Variants in PRKN observed in about 807,000 individuals in gnomAD.
PRKN encodes the protein parkin RBR E3 ubiquitin protein ligase.
In PRKN, 56 loss-of-function variants were observed where a neutral mutation model predicts 59.5. The observed-to-expected ratio is 0.94, with a 90% CI of 0.76 to 1.18. The LOEUF is 1.18. Among genes scored for constraint, PRKN ranks in the 50% most tolerant of loss-of-function variants. The pLI, the probability that PRKN is intolerant of heterozygous loss-of-function variation, is 0.00. For missense variants in PRKN, 657 were observed against 596.4 expected (o/e 1.10, Z -1.06); for synonymous variants, 250 against 222.1 (o/e 1.13, Z -1.12).
chr6:162,081,903 C>A (rs960442619), intron 4 of PRKN, among the ~76,000 whole-genome samples: 2 of 152,148 alleles, frequency 1.3e-5, no homozygotes, highest in African/African-American at 4.8e-5. Context: ...GAGGCAGCTT[C>A]TCCATCAGCA....
rs1342215733 is a variant in PRKN, at chr6:161,891,822, T to G, written c.734+81480A>C. Among the ~76,000 whole-genome samples the G allele has an allele frequency of 2.0e-5, 3 of 152,208 alleles. No homozygotes were observed. In the South Asian group the frequency reaches 6.2e-4, roughly 31 times the overall value. ...ATTATAGCTCTTGGGATAGAGGAGC[T>G]GCTGTCTCAAGAAAAGCAAATATGT... On this transcript the variant is annotated intron_variant, in intron 6 of 11. Transcript: ENST00000366898.
intron 6 of PRKN, among the ~76,000 whole-genome samples, chr6:161,804,222 C>A (rs1353196683): frequency 6.6e-6 from 1 of 152,220 alleles, no homozygotes. Context: ...TGAATGCAGG[C>A]TCGACACCCA....
intron 6 of PRKN, among the ~76,000 whole-genome samples, chr6:161,873,710 G>A (rs1794440600): frequency 6.6e-6 from 1 of 151,294 alleles, no homozygotes; most frequent in Non-Finnish European, 1.5e-5. Flanking sequence ...TTTGACTCTC[G>A]TCAAAAAAAA....
At chr6:162,391,858 G>A (rs1488288284) in intron 2 of PRKN, among the ~76,000 whole-genome samples, 3 of 152,094 alleles carry the variant, frequency 2.0e-5, no homozygotes, top group African/African-American at 7.2e-5. Flanking sequence ...CCTAAGATTA[G>A]TGCATTGTTT....
intron 6 of PRKN, among the ~76,000 whole-genome samples, chr6:161,842,477 A>AT (rs1344589773): frequency 6.6e-6 from 1 of 151,700 alleles, no homozygotes; most frequent in Non-Finnish European, 1.5e-5. Context: ...AAAAAAAAAA[A>AT]AAAAATAGCC....
chr6:161,614,133 C>A (rs1782601843), intron 7 of PRKN, among the ~76,000 whole-genome samples: 2 of 152,260 alleles, frequency 1.3e-5, no homozygotes, highest in South Asian at 4.2e-4. Flanking sequence ...TGCATGCCTC[C>A]ACCTTTCTCT....
intron 1 of PRKN, among the ~76,000 whole-genome samples, chr6:162,479,702 G>T (rs1792197189): frequency 6.6e-6 from 1 of 151,416 alleles, no homozygotes; most frequent in African/African-American, 2.4e-5. Flanking sequence ...TGATCACAAT[G>T]CCTTCTTTTG....
At chr6:162,405,793 G>T (rs138472940) in intron 2 of PRKN, among the ~76,000 whole-genome samples, 4 of 152,122 alleles carry the variant, frequency 2.6e-5, no homozygotes, top group Admixed American at 2.6e-4. Context: ...ACAGGCCTCA[G>T]GAAAAACCAC....
chr6:161,895,228 T>C (rs942433878), intron 6 of PRKN, among the ~76,000 whole-genome samples: 5 of 152,156 alleles, frequency 3.3e-5, no homozygotes, highest in African/African-American at 9.7e-5. Flanking sequence ...CTGGTAAAGC[T>C]TTGCTCCAGC....
At chr6:162,692,040 C>G (rs951586244) in intron 1 of PRKN, among the ~76,000 whole-genome samples, 1 of 152,006 alleles carries the variant, frequency 6.6e-6, no homozygotes, top group African/African-American at 2.4e-5. Context: ...TTAATTAGAT[C>G]CCATTTGTCA....
intron 5 of PRKN, among the ~76,000 whole-genome samples, chr6:162,050,280 A>G (rs566645253): frequency 6.6e-6 from 1 of 152,126 alleles, no homozygotes; most frequent in East Asian, 1.9e-4. Context: ...TTCTGCTCAC[A>G]TGTTTTAGGT....
In PRKN at chr6:161,905,414, C is replaced by T. The variant is rs150070229; in HGVS notation, c.734+67888G>A. Among the ~76,000 whole-genome samples, 278 of 152,294 alleles carry T rather than the reference C, an allele frequency of 1.8e-3. 1 individual carries two copies. The highest frequency in any genetic ancestry group is 6.6e-3 in the African/African-American group (273 of 41,562). The stretch of plus-strand genomic sequence containing the variant: ...AATCTTTTTGCTGTATGTCTATGGA[C>T]AGGTTTCTGGTGTAGACTTTTGCTT... On this transcript the variant is annotated intron_variant, in intron 6 of 11. Transcript: ENST00000366898.
rs375104773 is a variant in PRKN at position 161,823,060 on chromosome 6, AAGT to A, written c.735-37155_735-37153del. ...AGTGATGCTCCCACCTCAGCTTCCC[AAGT>A]AGCTGGGACGAGAAGCACATGCTAC... On this transcript the variant is annotated intron_variant, in intron 6 of 11. Coordinates refer to ENST00000366898, the MANE Select transcript of PRKN (RefSeq NM_004562.3). Among the ~76,000 whole-genome samples, 467 of 151,560 alleles carry A rather than the reference AAGT, an allele frequency of 3.1e-3. 2 individuals carry two copies. Among genetic ancestry groups the A allele is most frequent in the African/African-American group, 0.011 (443 of 41,294 alleles).
intron 9 of PRKN, among the ~76,000 whole-genome samples, chr6:161,394,808 C>G (rs1786679115): frequency 6.6e-6 from 1 of 152,258 alleles, no homozygotes; most frequent in South Asian, 2.1e-4. Context: ...AGGTGGTCCT[C>G]CTGACAATGG....
intron 1 of PRKN, among the ~76,000 whole-genome samples, chr6:162,570,269 C>T (rs1462772395): frequency 6.6e-6 from 1 of 152,162 alleles, no homozygotes; most frequent in Non-Finnish European, 1.5e-5. Context: ...TATCTCACCC[C>T]AGGTAAAATG....
intron 4 of PRKN, among the ~76,000 whole-genome samples, chr6:162,055,499 C>T (rs1307849068): frequency 6.6e-6 from 1 of 152,046 alleles, no homozygotes. Flanking sequence ...CAGGTGGCAG[C>T]CTGGACCTCC....
chr6:162,649,270 T>G (rs1279092762), intron 1 of PRKN, among the ~76,000 whole-genome samples: 1 of 152,198 alleles, frequency 6.6e-6, no homozygotes, highest in Non-Finnish European at 1.5e-5. Context: ...TCTATTTTCA[T>G]GGGGCTTATA....
chr6:161,408,526 AGTAT>A (rs1366977789), intron 9 of PRKN, among the ~76,000 whole-genome samples: 9 of 146,882 alleles, frequency 6.1e-5, no homozygotes, highest in Non-Finnish European at 1.2e-4. Context: ...TTGTCTAATG[AGTAT>A]GTATTACTTT....
chr6:162,569,234 G>T, intron 1 of PRKN: 1 of 575,372 alleles, frequency 1.7e-6, no homozygotes, highest in South Asian at 1.6e-5. Flanking sequence ...GCCCCAGGCT[G>T]AGACTGAGGG....
Sources: gnomAD v4.1 joint callset for allele counts (sites outside exome capture counted in the v4.1 genomes callset) on GRCh38, gnomAD v4.1.1 for gene constraint, MANE v1.5 for transcripts, NCBI Gene and HGNC (gene_info 2026-07-23, HGNC 2026-07-21) for gene names.